GUCA1C: variants seen among roughly 807,000 people sequenced by gnomAD.
GUCA1C encodes guanylyl cyclase-activating protein 3.
A neutral mutation model predicts 16.2 loss-of-function variants in GUCA1C; 15 were observed. The ratio of observed to expected loss-of-function variants is 0.93; its 90% CI spans 0.62 to 1.43. The LOEUF (loss-of-function observed/expected upper bound fraction) is 1.43. GUCA1C is among the 40% of genes most tolerant of loss of function. The probability of loss-of-function intolerance (pLI) is 0.00; values close to 1 mark genes in which losing one functional copy is unlikely to be tolerated. For synonymous variants in GUCA1C, 78 were observed against 85.4 expected (o/e 0.91, Z 0.48); for missense variants, 275 against 244.8 (o/e 1.12, Z -0.82).
intron 3 of GUCA1C, among the ~76,000 whole-genome samples, chr3:108,910,391 G>T (rs1946437984): frequency 6.6e-6 from 1 of 151,788 alleles, no homozygotes; most frequent in African/African-American, 2.4e-5. Context: ...CCACCTACTT[G>T]GGAGGCTGAG....
chr3:108,908,020 A>T lies in GUCA1C; in HGVS notation c.*2T>A. ...TGATAGCTGGGACAGGTATTCTCAC[A>T]GCTACTTCATTTTCACCTTCCCTAG... On this transcript the variant is annotated 3_prime_UTR_variant, in exon 4 of 4. Transcript: ENST00000261047. 6.2e-7 allele frequency: 1 copy of T among 1,608,064 alleles called. No individual in the cohort carries two copies. Among genetic ancestry groups the T allele is most frequent in the Non-Finnish European group, 8.5e-7 (1 of 1,176,230 alleles).
chr3:108,922,710 A>T (rs145443488), intron 1 of GUCA1C, among the ~76,000 whole-genome samples: 4,082 of 152,198 alleles, frequency 0.027, 169 homozygotes, highest in African/African-American at 0.093. Context: ...TCTGGGATAC[A>T]TGTGCAGAAC....
At chr3:108,910,701 G>C (rs145345681) in intron 3 of GUCA1C, among the ~76,000 whole-genome samples, 4,149 of 151,362 alleles carry the variant, frequency 0.027, 187 homozygotes, top group African/African-American at 0.095. Flanking sequence ...CCAGGCTGGA[G>C]TGCAGTGGGG....
At chr3:108,929,996 C>G (rs1461054614) in intron 1 of GUCA1C, among the ~76,000 whole-genome samples, 1 of 152,182 alleles carries the variant, frequency 6.6e-6, no homozygotes, top group African/African-American at 2.4e-5. Context: ...TGTCCCTTAT[C>G]CTGTTTTCTT....
chr3:108,911,629 C>G (rs1463767375), intron 3 of GUCA1C, among the ~76,000 whole-genome samples: 1 of 152,224 alleles, frequency 6.6e-6, no homozygotes, highest in Non-Finnish European at 1.5e-5. Flanking sequence ...TTCTTTTCCT[C>G]TACGTGGAAA....
chr3:108,912,255 T>C (rs1389540897), intron 3 of GUCA1C, among the ~76,000 whole-genome samples: 1 of 151,890 alleles, frequency 6.6e-6, no homozygotes, highest in East Asian at 1.9e-4. Context: ...CTGCACTTGA[T>C]GTTGTGAACA....
Position 108,943,983 on chromosome 3 carries a change from T to TTTATC in GUCA1C, c.204+9575_204+9576insGATAA, listed in dbSNP as rs1191774258. Among the ~76,000 whole-genome samples, 5 of 151,842 alleles carry TTTATC rather than the reference T, an allele frequency of 3.3e-5. No individual in the cohort carries two copies. In the East Asian group the frequency reaches 9.6e-4, roughly 29 times the overall value. Reference sequence around the variant, plus strand: ...CTTATAGAAAAAATTTTTAATTAAATAAATAAATATAATGATAAACCAAAT... The same window carrying TTTATC: ...CTTATAGAAAAAATTTTTAATTAAATTTATCAAATAAATATAATGATAAACCAAAT... On this transcript the variant is annotated intron_variant, in intron 1 of 3. Coordinates refer to ENST00000261047, the MANE Select transcript of GUCA1C (RefSeq NM_005459.4).
At position 108,916,207 on chromosome 3, in the gene GUCA1C, T is replaced by C; in HGVS notation, c.362A>G (p.Gln121Arg). 1 of 1,605,430 alleles carries C rather than the reference T, an allele frequency of 6.2e-7. No individual in the cohort carries two copies. Among genetic ancestry groups the C allele is most frequent in the Non-Finnish European group, 8.5e-7 (1 of 1,177,942 alleles). Residue 121 changes from glutamine (Q) to arginine (R), a missense_variant, in exon 3 of 4, where the codon CAA becomes CGA. Transcript: ENST00000261047. ...NELLDMFMAV[Q>R]ALNGQQTLSP... The stretch of plus-strand genomic sequence containing the variant: ...CAGAGTTTGCTGGCCATTGAGGGCT[T>C]GTACCGCCTGCAAAAAGACATTAAA...
At chr3:108,908,575 G>T (rs1008566041) in intron 3 of GUCA1C, among the ~76,000 whole-genome samples, 2 of 152,166 alleles carry the variant, frequency 1.3e-5, no homozygotes, top group African/African-American at 4.8e-5. Context: ...TTAAGATCAA[G>T]ACAAAATGAC....
chr3:108,912,747 A>G (rs1275835763), intron 3 of GUCA1C, among the ~76,000 whole-genome samples: 2 of 148,710 alleles, frequency 1.3e-5, no homozygotes, highest in East Asian at 2.0e-4. Flanking sequence ...CTTTCTTCCT[A>G]TAGACAGAAT....
chr3:108,912,740 T>A (rs1228620583), intron 3 of GUCA1C, among the ~76,000 whole-genome samples: 1 of 151,516 alleles, frequency 6.6e-6, no homozygotes, highest in African/African-American at 2.4e-5. Context: ...TAGATACCTT[T>A]CTTCCTATAG....
chr3:108,936,002 T>G (rs1946724006), intron 1 of GUCA1C, among the ~76,000 whole-genome samples: 1 of 152,192 alleles, frequency 6.6e-6, no homozygotes, highest in African/African-American at 2.4e-5. Flanking sequence ...TGGCGGCTTA[T>G]GCTTGTAATC....
At chr3:108,936,511 G>A (rs754284503) in intron 1 of GUCA1C, among the ~76,000 whole-genome samples, 14 of 152,126 alleles carry the variant, frequency 9.2e-5, no homozygotes, top group Non-Finnish European at 1.9e-4. Context: ...ACAAAAATGA[G>A]GACGGGGTAA....
chr3:108,953,697 C>A lies in GUCA1C; in HGVS notation c.66G>T (p.Trp22Cys), dbSNP rs766140517. The change falls in exon 1 of 4, where the codon TGG (tryptophan) becomes TGT (cysteine). Residue 22 changes from tryptophan to cysteine, a missense_variant. Trp to Cys is a radical substitution (Grantham distance 215). Transcript: ENST00000261047. ...GATATTCCATCATAAATGTTCTGTA[C>A]CACACATGGGTCTCTTGTGTAGGAA... ...KAVPTQETHV[W>C]YRTFMMEYPS... 1 of 1,613,182 alleles carries A rather than the reference C, an allele frequency of 6.2e-7. No homozygotes were observed. The highest frequency in any genetic ancestry group is 1.1e-5 in the South Asian group (1 of 91,054).
chr3:108,928,852 G>T (rs1388194368), intron 1 of GUCA1C, among the ~76,000 whole-genome samples: 1 of 152,136 alleles, frequency 6.6e-6, no homozygotes, highest in East Asian at 1.9e-4. Context: ...TTTACGGTAA[G>T]TCTTGAAGTC....
chr3:108,953,434 G>A, intron 1 of GUCA1C, 125 bp downstream of exon 1: 1 of 649,466 alleles, frequency 1.5e-6, no homozygotes, highest in Non-Finnish European at 2.7e-6. Flanking sequence ...TGAGTTGCCT[G>A]AAGACCTCTC....
At chr3:108,927,401 T>C (rs1436527351) in intron 1 of GUCA1C, among the ~76,000 whole-genome samples, 5 of 151,886 alleles carry the variant, frequency 3.3e-5, no homozygotes, top group African/African-American at 1.2e-4. Context: ...AGTCCCAAAC[T>C]TCTTGGAGGT....
intron 1 of GUCA1C, among the ~76,000 whole-genome samples, chr3:108,924,298 T>C (rs1220350662): frequency 1.3e-5 from 2 of 152,222 alleles, no homozygotes; most frequent in Non-Finnish European, 2.9e-5. Flanking sequence ...ATTACTTTTA[T>C]TACCTTAAGG....
rs183703469 is a variant in GUCA1C at position 108,924,332 on chromosome 3, G to T, written c.205-3747C>A. ...GGTATGTCCCTTCTATACCAATTTT[G>T]CTGAGGGTTTTAATCATAAAGGGAT... On this transcript the variant is annotated intron_variant, in intron 1 of 3. Coordinates refer to ENST00000261047, the MANE Select transcript of GUCA1C (RefSeq NM_005459.4). 9.2e-5 allele frequency among the ~76,000 whole-genome samples: 14 copies of T among 152,122 alleles called. No individual in the cohort carries two copies. The East Asian group carries it at 2.7e-3, about 29-fold the overall frequency.
Sources: gnomAD v4.1 joint callset for allele counts (sites outside exome capture counted in the v4.1 genomes callset) on GRCh38, gnomAD v4.1.1 for gene constraint, MANE v1.5 for transcripts, NCBI Gene and HGNC (gene_info 2026-07-23, HGNC 2026-07-21) for gene names.